Variants in CDYL observed in about 807,000 individuals in gnomAD.
CDYL encodes the protein chromodomain Y-like protein.
CDYL carries 8 observed loss-of-function variants against 47.3 expected under a neutral mutation model. The ratio of observed to expected loss-of-function variants is 0.17; its 90% CI spans 0.10 to 0.31. CDYL has a LOEUF of 0.31. CDYL is among the 10% of genes least tolerant of loss of function. CDYL has a pLI of 1.00. For missense variants in CDYL, 471 were observed against 701.4 expected, an observed-to-expected ratio of 0.67 and a Z score of 3.71; for synonymous variants, 266 against 265.0, an observed-to-expected ratio of 1.00 and a Z score of -0.04.
At chr6:4,897,960 G>A (rs1233398809) in intron 2 of CDYL, among the ~76,000 whole-genome samples, 1 of 151,910 alleles carries the variant, frequency 6.6e-6, no homozygotes, top group Non-Finnish European at 1.5e-5. Context: ...GGGAGGCTGA[G>A]GCAGGAGAAA....
At chr6:4,925,663 A>T (rs1212819849) in intron 2 of CDYL, among the ~76,000 whole-genome samples, 1 of 151,914 alleles carries the variant, frequency 6.6e-6, no homozygotes, top group Non-Finnish European at 1.5e-5. Flanking sequence ...TGATCCGCCC[A>T]CCTCGGCCTC....
intron 2 of CDYL, among the ~76,000 whole-genome samples, chr6:4,918,648 C>A (rs1373291221): frequency 2.0e-5 from 3 of 152,114 alleles, no homozygotes. Context: ...AAAGATTGAC[C>A]GCGCTTGAAT....
rs918116629 is a variant in CDYL, at chr6:4,819,170, G to C, written c.24+42363G>C. Among the ~76,000 whole-genome samples, 766 of 129,428 alleles carry C rather than the reference G, an allele frequency of 5.9e-3. 8 individuals are homozygous for C. The highest frequency in any genetic ancestry group is 0.019 in the African/African-American group (662 of 34,956). 84.9% of individuals were successfully genotyped at this position (129,428 alleles called of 152,430 possible). A position where few individuals can be genotyped will look rare whatever the true frequency, so the allele number is the denominator to read the frequency against. The stretch of plus-strand genomic sequence containing the variant: ...TCTCTCTCTCTCTCTCTCTGTGTGT[G>C]TGTGTGTGTGTGTAGCTCTTCACCA... On this transcript the variant is annotated intron_variant, in intron 1 of 6. Coordinates refer to ENST00000397588, the MANE Select transcript of CDYL (RefSeq NM_004824.4).
At chr6:4,750,331 T>C (rs966441097) in intron 3 of CDYL, among the ~76,000 whole-genome samples, 3 of 152,120 alleles carry the variant, frequency 2.0e-5, no homozygotes, top group Admixed American at 6.6e-5. Context: ...GCCTCCCATG[T>C]AGCTGGGACT....
intron 1 of CDYL, among the ~76,000 whole-genome samples, chr6:4,816,989 A>G (rs1561651557): frequency 6.6e-6 from 1 of 152,194 alleles, no homozygotes; most frequent in Non-Finnish European, 1.5e-5. Flanking sequence ...CACAGTTAAC[A>G]GTGTTTGTGT....
chr6:4,915,491 G>C (rs1053755728), intron 2 of CDYL, among the ~76,000 whole-genome samples: 1 of 152,160 alleles, frequency 6.6e-6, no homozygotes, highest in African/African-American at 2.4e-5. Flanking sequence ...TAATGTGGGG[G>C]ATGGGGGCAG....
rs1384679826 is a variant in CDYL, at chr6:4,954,452, C to G, written c.*396C>G. The G allele has an allele frequency of 1.3e-5, 2 of 153,504 alleles. No individual in the cohort carries two copies. Among genetic ancestry groups the G allele is most frequent in the African/African-American group, 4.8e-5 (2 of 41,468 alleles). 9.5% of individuals were successfully genotyped at this position (153,504 alleles called of 1,614,324 possible). ...TGTTTGTTTTCCTCATTTCTTCCTTCTAGAACACAGAATCTAAAGGGGTAT... is the reference window on the plus strand; with the variant it reads ...TGTTTGTTTTCCTCATTTCTTCCTTGTAGAACACAGAATCTAAAGGGGTAT... On this transcript the variant is annotated 3_prime_UTR_variant, in exon 7 of 7. Coordinates refer to ENST00000397588, the MANE Select transcript of CDYL (RefSeq NM_004824.4).
chr6:4,735,445 A>G (rs915072902), intron 3 of CDYL, among the ~76,000 whole-genome samples: 7 of 152,156 alleles, frequency 4.6e-5, no homozygotes, highest in South Asian at 2.1e-4. Context: ...TCACTTTATT[A>G]GGATATAATT....
At chr6:4,895,361 GCA>G (rs1762223883) in intron 2 of CDYL, among the ~76,000 whole-genome samples, 3 of 130,438 alleles carry the variant, frequency 2.3e-5, no homozygotes, top group African/African-American at 1.1e-4. Context: ...GTATATATGT[GCA>G]TATATGCATG....
intron 1 of CDYL, among the ~76,000 whole-genome samples, chr6:4,784,317 C>T (rs1293769031): frequency 1.3e-5 from 2 of 152,100 alleles, no homozygotes; most frequent in East Asian, 3.9e-4. Context: ...CCTACAATTG[C>T]TATATGGTAT....
chr6:4,759,739 C>T (rs920137140), intron 3 of CDYL, among the ~76,000 whole-genome samples: 4 of 150,304 alleles, frequency 2.7e-5, no homozygotes, highest in African/African-American at 7.3e-5. Flanking sequence ...ATTAGCCGGG[C>T]GTGGGGGTGT....
chr6:4,911,379 C>T (rs911256160), intron 2 of CDYL, among the ~76,000 whole-genome samples: 3 of 152,238 alleles, frequency 2.0e-5, no homozygotes, highest in Non-Finnish European at 4.4e-5. Context: ...CTCACACATA[C>T]ATGCGCACAG....
chr6:4,876,852 A>T (rs1331968156), intron 1 of CDYL, among the ~76,000 whole-genome samples: 1 of 152,128 alleles, frequency 6.6e-6, no homozygotes, highest in African/African-American at 2.4e-5. Flanking sequence ...CTGTGTTCTG[A>T]ATGTTTGTGT....
At chr6:4,863,219 G>T (rs1490752857) in intron 1 of CDYL, among the ~76,000 whole-genome samples, 2 of 152,090 alleles carry the variant, frequency 1.3e-5, no homozygotes, top group African/African-American at 4.8e-5. Context: ...GGAGGGAAGG[G>T]ATCAAAGGTT....
chr6:4,753,647 A>G (rs1758032251), intron 3 of CDYL, among the ~76,000 whole-genome samples: 1 of 152,176 alleles, frequency 6.6e-6, no homozygotes, highest in African/African-American at 2.4e-5. Context: ...GGGGTGTGCT[A>G]TCAGACCCAA....
chr6:4,707,857 CT>C (rs1757074625), intron 1 of CDYL, among the ~76,000 whole-genome samples: 1 of 152,050 alleles, frequency 6.6e-6, no homozygotes, highest in Non-Finnish European at 1.5e-5. Context: ...CCTTTAAGTA[CT>C]GCTTTAGATG....
intron 1 of CDYL, among the ~76,000 whole-genome samples, chr6:4,813,157 T>A (rs1294814524): frequency 6.6e-6 from 1 of 152,214 alleles, no homozygotes; most frequent in Admixed American, 6.5e-5. Flanking sequence ...TCGTACTTGC[T>A]TTTCCTTGTG....
intron 3 of CDYL, among the ~76,000 whole-genome samples, chr6:4,763,832 A>G (rs1758212051): frequency 6.6e-6 from 1 of 152,118 alleles, no homozygotes; most frequent in Non-Finnish European, 1.5e-5. Flanking sequence ...AGTTCCAGCT[A>G]CTCAGGAGGC....
At position 4,825,806 on chromosome 6, in the gene CDYL, A is replaced by G. The variant is rs556803199; in HGVS notation, c.24+48999A>G. ...TTTATTTGTAACCCAAAAATTAATA[A>G]TGCAGTGGTTTCATGGTCATTTATA... is the stretch of plus-strand genomic sequence containing the variant. On this transcript the variant is annotated intron_variant, in intron 1 of 6. Coordinates refer to ENST00000397588, the MANE Select transcript of CDYL (RefSeq NM_004824.4). Among the ~76,000 whole-genome samples the G allele has an allele frequency of 2.0e-5, 3 of 151,918 alleles. No individual in the cohort carries two copies. The East Asian group carries it at 5.8e-4, about 29-fold the overall frequency.
Sources: allele counts gnomAD v4.1 joint callset (sites outside exome capture counted in the v4.1 genomes callset), GRCh38; gene constraint gnomAD v4.1.1; transcripts MANE v1.5; gene names NCBI Gene and HGNC (gene_info 2026-07-23, HGNC 2026-07-21).